Variants in PPARGC1A observed in about 807,000 individuals in gnomAD.
The protein encoded by PPARGC1A is PPARG coactivator 1 alpha, also known as peroxisome proliferator-activated receptor gamma coactivator 1-alpha.
PPARGC1A carries 25 observed loss-of-function variants against 88.7 expected under a neutral mutation model. The observed-to-expected ratio is 0.28, with a 90% CI of 0.21 to 0.39. The LOEUF is 0.39. Ranked by LOEUF, PPARGC1A falls within the 10% of genes least tolerant of loss-of-function variation. PPARGC1A has a pLI of 1.00. For synonymous variants in PPARGC1A, 363 were observed against 355.6 expected (o/e 1.02, Z -0.24); for missense variants, 880 against 968.7 (o/e 0.91, Z 1.22).
the PPARGC1A span, among the ~76,000 whole-genome samples, chr4:24,015,921 G>A: frequency 6.6e-6 from 1 of 152,178 alleles, no homozygotes; most frequent in South Asian, 2.1e-4. Flanking sequence ...TTGCTAAAGA[G>A]ATGAGATTGA....
the PPARGC1A span, among the ~76,000 whole-genome samples, chr4:24,384,617 A>C: frequency 6.6e-6 from 1 of 151,970 alleles, no homozygotes; most frequent in Non-Finnish European, 1.5e-5. Context: ...AACAGACTTT[A>C]AACCAAAAAA....
At chr4:24,230,317 C>A in the PPARGC1A span, among the ~76,000 whole-genome samples, 22 of 152,184 alleles carry the variant, frequency 1.4e-4, no homozygotes, top group Non-Finnish European at 3.2e-4. Flanking sequence ...CAAAGCCCCC[C>A]ACTTCAGCGA....
At chr4:23,862,317 G>A (rs1402291759) in intron 2 of PPARGC1A, among the ~76,000 whole-genome samples, 1 of 152,194 alleles carries the variant, frequency 6.6e-6, no homozygotes, top group Non-Finnish European at 1.5e-5. Context: ...AGGTTCCTGT[G>A]ATTTTAAAAT....
At chr4:24,145,937 T>G in the PPARGC1A span, among the ~76,000 whole-genome samples, 1 of 152,188 alleles carries the variant, frequency 6.6e-6, no homozygotes, top group Non-Finnish European at 1.5e-5. Context: ...ATTTCAATGT[T>G]GGGAGAGGCA....
At chr4:24,219,815 C>A in the PPARGC1A span, among the ~76,000 whole-genome samples, 2 of 152,110 alleles carry the variant, frequency 1.3e-5, no homozygotes, top group Non-Finnish European at 2.9e-5. Flanking sequence ...GAACTCACAC[C>A]TCCACCTGCC....
At chr4:24,330,730 C>T in the PPARGC1A span, among the ~76,000 whole-genome samples, 1 of 150,296 alleles carries the variant, frequency 6.7e-6, no homozygotes, top group African/African-American at 2.5e-5. Flanking sequence ...GAAACTGAGA[C>T]CCAGCACACT....
At chr4:24,260,949 T>C in the PPARGC1A span, among the ~76,000 whole-genome samples, 7 of 152,222 alleles carry the variant, frequency 4.6e-5, no homozygotes, top group African/African-American at 1.7e-4. Flanking sequence ...CCTTGACGCT[T>C]CCCCAATAAG....
chr4:23,951,832 C>T, the PPARGC1A span, among the ~76,000 whole-genome samples: 16 of 152,238 alleles, frequency 1.1e-4, no homozygotes, highest in South Asian at 2.3e-3. Flanking sequence ...ACTTCCAAGA[C>T]GTTTCAGGAG....
the PPARGC1A span, among the ~76,000 whole-genome samples, chr4:24,207,622 T>C: frequency 2.6e-5 from 4 of 152,224 alleles, no homozygotes; most frequent in African/African-American, 9.6e-5. Flanking sequence ...AAATCAGCTA[T>C]TGCTGCTGCA....
chr4:24,405,569 A>G, the PPARGC1A span, among the ~76,000 whole-genome samples: 1 of 152,170 alleles, frequency 6.6e-6, no homozygotes, highest in African/African-American at 2.4e-5. Context: ...CGCAGCTCCC[A>G]TGGTGCTCCA....
the PPARGC1A span, among the ~76,000 whole-genome samples, chr4:23,977,640 T>C: frequency 1.9e-4 from 29 of 152,144 alleles, no homozygotes; most frequent in African/African-American, 6.8e-4. Flanking sequence ...CGTTTACCTA[T>C]GGAAAAAACC....
At chr4:23,978,528 G>A in the PPARGC1A span, among the ~76,000 whole-genome samples, 2 of 152,122 alleles carry the variant, frequency 1.3e-5, no homozygotes, top group Non-Finnish European at 2.9e-5. Flanking sequence ...TCTATGGAAT[G>A]ACAAAACAGA....
the PPARGC1A span, among the ~76,000 whole-genome samples, chr4:23,998,966 G>A: frequency 6.6e-5 from 10 of 152,152 alleles, no homozygotes; most frequent in Non-Finnish European, 1.2e-4. Context: ...GATTTATTAC[G>A]TGTCATGCAC....
chr4:24,022,023 C>T, the PPARGC1A span, among the ~76,000 whole-genome samples: 12 of 152,172 alleles, frequency 7.9e-5, no homozygotes, highest in East Asian at 9.7e-4. Flanking sequence ...ACAGGAGAGG[C>T]GAGGAGTGGC....
chr4:24,052,651 A>AT, the PPARGC1A span, among the ~76,000 whole-genome samples: 1 of 151,222 alleles, frequency 6.6e-6, no homozygotes, highest in Non-Finnish European at 1.5e-5. Context: ...AAAAAAAAAA[A>AT]AAATATTCCC....
At chr4:23,826,796 C>T (rs890514407) in intron 5 of PPARGC1A, among the ~76,000 whole-genome samples, 1 of 151,504 alleles carries the variant, frequency 6.6e-6, no homozygotes, top group South Asian at 2.1e-4. Flanking sequence ...CCAGTCTCAT[C>T]TAAAGAAAAT....
chr4:24,237,063 A>G, the PPARGC1A span, among the ~76,000 whole-genome samples: 5 of 152,256 alleles, frequency 3.3e-5, no homozygotes, highest in South Asian at 8.3e-4. Context: ...AATTCACTCC[A>G]TTTCCAATTC....
At chr4:24,332,780 C>T in the PPARGC1A span, among the ~76,000 whole-genome samples, 6 of 152,266 alleles carry the variant, frequency 3.9e-5, no homozygotes, top group African/African-American at 7.2e-5. Flanking sequence ...TTAACAGATG[C>T]GATAGTCTAT....
At chr4:24,470,955 G>T in the PPARGC1A span, among the ~76,000 whole-genome samples, 6,308 of 151,736 alleles carry the variant, frequency 0.042, 182 homozygotes, top group Non-Finnish European at 0.057. The surrounding 1 kb of genome is among the most constrained non-coding windows in gnomAD (Gnocchi z 5.8). Flanking sequence ...AACATTTTTC[G>T]GTTGCTTTCG....
Sources: allele counts gnomAD v4.1 joint callset (sites outside exome capture counted in the v4.1 genomes callset), GRCh38; gene constraint gnomAD v4.1.1; non-coding constraint Gnocchi (gnomAD v3.1); transcripts MANE v1.5; gene names NCBI Gene and HGNC (gene_info 2026-07-23, HGNC 2026-07-21).